The following NOX4 variants were observed in gnomAD, a reference collection of about 807,000 sequenced individuals.
The protein encoded by NOX4 is kidney oxidase-1.
A neutral mutation model predicts 87.6 loss-of-function variants in NOX4; 69 were observed. The observed-to-expected ratio is 0.79, with a 90% CI of 0.65 to 0.96. The LOEUF is 0.96. Ranked by LOEUF, NOX4 falls within the 40% of genes least tolerant of loss-of-function variation. NOX4 has a pLI of 0.00. For synonymous variants in NOX4, 275 were observed against 238.2 expected (o/e 1.15, Z -1.42); for missense variants, 680 against 681.5 (o/e 1.00, Z 0.02).
the NOX4 span, among the ~76,000 whole-genome samples, chr11:89,504,034 G>C: frequency 6.6e-6 from 1 of 151,334 alleles, no homozygotes; most frequent in African/African-American, 2.4e-5. Flanking sequence ...AATGCTGTGG[G>C]GTACAAAATA....
At chr11:89,440,949 A>G (rs1202275084) in intron 5 of NOX4, among the ~76,000 whole-genome samples, 1 of 152,176 alleles carries the variant, frequency 6.6e-6, no homozygotes, top group African/African-American at 2.4e-5. Context: ...AAAATACTGG[A>G]TGACTCAAAA....
rs143522860 is a variant in NOX4, at chr11:89,343,156, G to A, written c.1218-963C>T. Among the ~76,000 whole-genome samples the A allele has an allele frequency of 7.2e-3, 1,099 of 152,278 alleles. 16 individuals are homozygous for A. Among genetic ancestry groups the A allele is most frequent in the African/African-American group, 0.024 (984 of 41,544 alleles). On this transcript the variant is annotated intron_variant, in intron 13 of 17. Coordinates refer to ENST00000263317, the MANE Select transcript of NOX4 (RefSeq NM_016931.5). The stretch of plus-strand genomic sequence containing the variant: ...AGGACGACTAGAACTCAGCGTTCTA[G>A]TCATTTACTAAGGCTGGGATTCCAG...
intron 11 of NOX4, among the ~76,000 whole-genome samples, chr11:89,394,433 A>T (rs1362778638): frequency 6.6e-6 from 1 of 152,088 alleles, no homozygotes; most frequent in Non-Finnish European, 1.5e-5. Context: ...TTTCCTATTT[A>T]ATGTTATGGT....
chr11:89,538,149 G>T, the NOX4 span, among the ~76,000 whole-genome samples: 2 of 152,116 alleles, frequency 1.3e-5, no homozygotes, highest in African/African-American at 4.8e-5. Flanking sequence ...ATCAACATGG[G>T]GAAATGCACC....
At chr11:89,408,538 C>T (rs1226941898) in intron 8 of NOX4, among the ~76,000 whole-genome samples, 1 of 152,116 alleles carries the variant, frequency 6.6e-6, no homozygotes, top group Non-Finnish European at 1.5e-5. Flanking sequence ...TCCTAAGTAT[C>T]TGGGTACCCA....
At chr11:89,555,841 A>G in the NOX4 span, among the ~76,000 whole-genome samples, 2 of 152,212 alleles carry the variant, frequency 1.3e-5, no homozygotes, top group South Asian at 2.1e-4. Flanking sequence ...AAATCTGCAA[A>G]TAAATATATG....
chr11:89,544,421 A>G, the NOX4 span, among the ~76,000 whole-genome samples: 1 of 152,160 alleles, frequency 6.6e-6, no homozygotes, highest in African/African-American at 2.4e-5. Flanking sequence ...TCTGAAGTGC[A>G]GCATCAAATA....
chr11:89,547,475 C>A, the NOX4 span, among the ~76,000 whole-genome samples: 2 of 152,136 alleles, frequency 1.3e-5, no homozygotes, highest in Non-Finnish European at 2.9e-5. Context: ...TATTCTAGGA[C>A]CTTGCTCTTC....
At chr11:89,366,673 G>A (rs1446033273) in intron 12 of NOX4, among the ~76,000 whole-genome samples, 2 of 140,260 alleles carry the variant, frequency 1.4e-5, no homozygotes, top group Non-Finnish European at 1.5e-5. Flanking sequence ...GGGAGACACA[G>A]CAAGACCTGT....
chr11:89,398,184 T>C (rs540577911), intron 11 of NOX4, among the ~76,000 whole-genome samples: 1 of 151,480 alleles, frequency 6.6e-6, no homozygotes, highest in Non-Finnish European at 1.5e-5. Flanking sequence ...ACAAATGTAA[T>C]CCATCACATA....
At chr11:89,582,227 A>G in the NOX4 span, among the ~76,000 whole-genome samples, 1 of 152,150 alleles carries the variant, frequency 6.6e-6, no homozygotes, top group Non-Finnish European at 1.5e-5. Context: ...TCCATTTTAT[A>G]TATATATACA....
chr11:89,564,266 G>C, the NOX4 span, among the ~76,000 whole-genome samples: 1 of 152,168 alleles, frequency 6.6e-6, no homozygotes, highest in Non-Finnish European at 1.5e-5. Flanking sequence ...GGCTATACAA[G>C]GAGCGTGGCT....
At chr11:89,428,464 G>A (rs1943575784) in intron 7 of NOX4, among the ~76,000 whole-genome samples, 1 of 131,268 alleles carries the variant, frequency 7.6e-6, no homozygotes, top group African/African-American at 3.4e-5. Context: ...GCTGTATTCA[G>A]GAAACCCATC....
chr11:89,490,464 C>A lies in NOX4; in HGVS notation c.147G>T (p.Met49Ile). ...CCAAGTTCACCTTACTTACCCCCAA[C>A]ATCTGGTGGAGGTAGTGATACTCTG... ...QGPEYHYLHQMLGLGLCLSRA... is the reference protein window; with the variant it reads ...QGPEYHYLHQILGLGLCLSRA... The change falls in exon 2 of 18, where the codon ATG becomes ATT. Residue 49 changes from methionine (M) to isoleucine (I), a missense_variant. By Grantham distance (10) the Met-to-Ile change is conservative (BLOSUM62 1). Transcript: ENST00000263317. 1 of 1,609,502 alleles carries A rather than the reference C, an allele frequency of 6.2e-7. No individual in the cohort carries two copies. Among genetic ancestry groups the A allele is most frequent in the Non-Finnish European group, 8.5e-7 (1 of 1,175,782 alleles).
At chr11:89,352,789 G>A (rs1937659877) in intron 13 of NOX4, among the ~76,000 whole-genome samples, 1 of 152,072 alleles carries the variant, frequency 6.6e-6, no homozygotes, top group Non-Finnish European at 1.5e-5. Flanking sequence ...AAGTAAAGTA[G>A]TTTTGGTTTT....
At chr11:89,468,413 C>A (rs1945795670) in intron 2 of NOX4, among the ~76,000 whole-genome samples, 1 of 152,214 alleles carries the variant, frequency 6.6e-6, no homozygotes, top group Admixed American at 6.5e-5. Flanking sequence ...ATATTCAGTA[C>A]ATTCTTGACA....
intron 8 of NOX4, among the ~76,000 whole-genome samples, chr11:89,418,496 G>T (rs558105302): frequency 6.7e-6 from 1 of 149,968 alleles, no homozygotes; most frequent in African/African-American, 2.4e-5. Flanking sequence ...TTTAATGAGA[G>T]CAAATGTTAG....
chr11:89,411,071 G>A (rs1207203858), intron 8 of NOX4, among the ~76,000 whole-genome samples: 2 of 152,136 alleles, frequency 1.3e-5, no homozygotes, highest in Non-Finnish European at 2.9e-5. Context: ...GAGGCCTGAG[G>A]CCCTGATTCC....
chr11:89,428,551 C>T (rs1241244048), intron 7 of NOX4, among the ~76,000 whole-genome samples: 4 of 151,804 alleles, frequency 2.6e-5, no homozygotes, highest in Admixed American at 6.6e-5. Context: ...CAAAAAAAGG[C>T]AGGGGTTGCA....
Sources: gnomAD v4.1 joint callset for allele counts (sites outside exome capture counted in the v4.1 genomes callset) on GRCh38, gnomAD v4.1.1 for gene constraint, MANE v1.5 for transcripts, NCBI Gene and HGNC (gene_info 2026-07-23, HGNC 2026-07-21) for gene names.